The following DOCK1 variants were observed in gnomAD, a reference collection of about 807,000 sequenced individuals.
DOCK1 encodes the protein dedicator of cytokinesis 1.
Under a neutral mutation model 262.7 loss-of-function variants are expected in DOCK1, and 138 were observed. The observed-to-expected ratio is 0.53, with a 90% CI of 0.46 to 0.61. DOCK1 has a LOEUF of 0.61. DOCK1 is among the 20% of genes least tolerant of loss of function. DOCK1 has a pLI of 0.00. For missense variants in DOCK1, 1,908 were observed against 2,370.7 expected (o/e 0.80, Z 4.05); for synonymous variants, 866 against 867.4 (o/e 1.00, Z 0.03).
chr10:126,996,535 A>ATTT (rs10538924), intron 6 of DOCK1, among the ~76,000 whole-genome samples: 4 of 136,202 alleles, frequency 2.9e-5, no homozygotes, highest in Non-Finnish European at 6.3e-5. Context: ...AAAATTGAGG[A>ATTT]TTTTTTTTTT....
chr10:127,091,492 A>G (rs537046998), intron 23 of DOCK1, among the ~76,000 whole-genome samples: 1 of 152,304 alleles, frequency 6.6e-6, no homozygotes, highest in South Asian at 2.1e-4. Flanking sequence ...GGTTGAACAC[A>G]GGTGCTATCT....
At chr10:127,289,068 CT>C (rs2061261597) in intron 29 of DOCK1, among the ~76,000 whole-genome samples, 1 of 152,064 alleles carries the variant, frequency 6.6e-6, no homozygotes, top group African/African-American at 2.4e-5. Flanking sequence ...ACTTCTGCCC[CT>C]ACCTTTCCCT....
intron 32 of DOCK1, among the ~76,000 whole-genome samples, chr10:127,361,263 G>A (rs549745498): frequency 2.6e-5 from 4 of 151,834 alleles, no homozygotes; most frequent in Non-Finnish European, 5.9e-5. Flanking sequence ...ACAGGCGCCC[G>A]CTACCACGCC....
At chr10:127,316,630 T>C (rs1590408400) in intron 29 of DOCK1, among the ~76,000 whole-genome samples, 4 of 152,278 alleles carry the variant, frequency 2.6e-5, no homozygotes, top group South Asian at 4.1e-4. Flanking sequence ...TCTGGGACTG[T>C]GGGTGATTTT....
At chr10:127,405,506 G>T (rs1256694428) in intron 40 of DOCK1, among the ~76,000 whole-genome samples, 1 of 144,670 alleles carries the variant, frequency 6.9e-6, no homozygotes, top group African/African-American at 2.6e-5. Context: ...TGATTGCTCT[G>T]GCTTTAGGAA....
chr10:127,267,132 G>A (rs1410625339), intron 29 of DOCK1, among the ~76,000 whole-genome samples: 1 of 152,172 alleles, frequency 6.6e-6, no homozygotes, highest in Non-Finnish European at 1.5e-5. Context: ...TATCTCCAGA[G>A]GTTGCTTTTA....
At chr10:126,934,694 CTT>C in intron 1 of DOCK1, among the ~76,000 whole-genome samples, 1 of 145,568 alleles carries the variant, frequency 6.9e-6, no homozygotes, top group Non-Finnish European at 1.5e-5. Context: ...GTGAGTCTAA[CTT>C]TGTGCATGGC....
chr10:126,984,659 G>T (rs1041478808), intron 4 of DOCK1, among the ~76,000 whole-genome samples: 1 of 151,860 alleles, frequency 6.6e-6, no homozygotes, highest in Non-Finnish European at 1.5e-5. Context: ...GTGAGCCACC[G>T]CACCCGGCCA....
intron 27 of DOCK1, among the ~76,000 whole-genome samples, chr10:127,188,192 C>T (rs2056451900): frequency 6.6e-6 from 1 of 152,112 alleles, no homozygotes; most frequent in South Asian, 2.1e-4. Context: ...TGTGCCCTGG[C>T]CTGGCTGGGC....
At chr10:127,416,878 A>C (rs1415380235) in intron 44 of DOCK1, among the ~76,000 whole-genome samples, 1 of 151,110 alleles carries the variant, frequency 6.6e-6, no homozygotes, top group Non-Finnish European at 1.5e-5. Context: ...TGTCCAGGAC[A>C]CCGGACAAGG....
chr10:126,918,273 G>T (rs2032743068), intron 1 of DOCK1, among the ~76,000 whole-genome samples: 1 of 152,052 alleles, frequency 6.6e-6, no homozygotes, highest in African/African-American at 2.4e-5. Context: ...ATGCAGCGGG[G>T]GCTCCGCTGA....
chr10:127,388,048 C>T (rs1207942285), intron 38 of DOCK1, among the ~76,000 whole-genome samples: 16 of 152,148 alleles, frequency 1.1e-4, no homozygotes, highest in Non-Finnish European at 1.9e-4. Flanking sequence ...TCCAGCAGTG[C>T]ACACATGGCC....
At chr10:127,201,492 G>A (rs1183232134) in intron 27 of DOCK1, among the ~76,000 whole-genome samples, 5 of 152,192 alleles carry the variant, frequency 3.3e-5, no homozygotes, top group Non-Finnish European at 4.4e-5. Context: ...CCTGAGCATC[G>A]TGAGGACTCG....
At position 127,018,812 on chromosome 10, in the gene DOCK1, G is replaced by A. The variant is rs2042197165; in HGVS notation, c.1304G>A (p.Gly435Glu). Residue 435 changes from glycine (G) to glutamate (E), a missense_variant, in exon 13 of 52, where the codon GGG becomes GAG. This residue lies in a region of DOCK1 where 294 missense variants were observed against 439.9 expected (regional missense o/e 0.67). Coordinates refer to ENST00000623213, the MANE Select transcript of DOCK1 (RefSeq NM_001290223.2). ...ACCACAGCTGTGGCTCGAAAAACAGGGTTTCCGGAGATAATCATGCCTGGT... is the reference window on the plus strand; with the variant it reads ...ACCACAGCTGTGGCTCGAAAAACAGAGTTTCCGGAGATAATCATGCCTGGT... ...DRTTAVARKT[G>E]FPEIIMPGDV... 1 of 1,613,928 alleles carries A rather than the reference G, an allele frequency of 6.2e-7. No homozygotes were observed. Among genetic ancestry groups the A allele is most frequent in the Non-Finnish European group, 8.5e-7 (1 of 1,179,874 alleles).
intron 42 of DOCK1, among the ~76,000 whole-genome samples, chr10:127,410,369 C>T (rs2067771438): frequency 6.6e-6 from 1 of 152,148 alleles, no homozygotes; most frequent in Non-Finnish European, 1.5e-5. Context: ...TCTCTCCACG[C>T]CCTGCCCTGT....
intron 3 of DOCK1, among the ~76,000 whole-genome samples, chr10:126,978,936 G>A (rs931808976): frequency 5.3e-5 from 8 of 152,154 alleles, no homozygotes; most frequent in East Asian, 3.9e-4. Context: ...TCATCCTCTC[G>A]CAACACCAGC....
chr10:127,448,860 CTTTTTTT>C (rs11365847), intron 51 of DOCK1, among the ~76,000 whole-genome samples: 1 of 147,364 alleles, frequency 6.8e-6, no homozygotes, highest in Non-Finnish European at 1.5e-5. Context: ...ATTTCTTTTT[CTTTTTTT>C]TTAATGGAGA....
intron 29 of DOCK1, among the ~76,000 whole-genome samples, chr10:127,271,471 T>TA (rs542167958): frequency 1.1e-4 from 17 of 152,324 alleles, no homozygotes; most frequent in African/African-American, 4.1e-4. Context: ...TTCAGGTCTA[T>TA]AAAAAAATGA....
intron 43 of DOCK1, among the ~76,000 whole-genome samples, chr10:127,414,126 G>T (rs2068021311): frequency 6.6e-6 from 1 of 152,128 alleles, no homozygotes; most frequent in Non-Finnish European, 1.5e-5. Flanking sequence ...TGCCCGGCCT[G>T]GTCTCGAAGT....
Sources: gnomAD v4.1 joint callset for allele counts (sites outside exome capture counted in the v4.1 genomes callset) on GRCh38, gnomAD v4.1.1 for gene constraint, gnomAD v4.1.1 regional missense constraint, MANE v1.5 for transcripts, NCBI Gene and HGNC (gene_info 2026-07-23, HGNC 2026-07-21) for gene names.